CDK17: variants seen among roughly 807,000 people sequenced by gnomAD.
The protein encoded by CDK17 is cyclin dependent kinase 17.
Under a neutral mutation model 77.6 loss-of-function variants are expected in CDK17, and 24 were observed. The ratio of observed to expected loss-of-function variants is 0.31; its 90% CI spans 0.22 to 0.44. CDK17 has a LOEUF of 0.44. CDK17 is among the 20% of genes least tolerant of loss of function. The probability of loss-of-function intolerance (pLI) is 1.00; values close to 1 mark genes in which losing one functional copy is unlikely to be tolerated. For missense variants in CDK17, 429 were observed against 622.5 expected, an observed-to-expected ratio of 0.69 and a Z score of 3.31; for synonymous variants, 203 against 210.4, an observed-to-expected ratio of 0.96 and a Z score of 0.30.
chr12:96,378,237 T>C (rs1273526885), intron 1 of CDK17, among the ~76,000 whole-genome samples: 1 of 152,206 alleles, frequency 6.6e-6, no homozygotes, highest in African/African-American at 2.4e-5. Flanking sequence ...TTTATTTATT[T>C]AGTCAGTCAT....
chr12:96,393,948 T>C (rs1335055877), intron 1 of CDK17, among the ~76,000 whole-genome samples: 2 of 152,028 alleles, frequency 1.3e-5, no homozygotes, highest in Non-Finnish European at 2.9e-5. Flanking sequence ...TGTTACTTGA[T>C]AGTTTCTCAC....
At chr12:96,301,729 G>A (rs1324953072) in intron 5 of CDK17, among the ~76,000 whole-genome samples, 1 of 152,064 alleles carries the variant, frequency 6.6e-6, no homozygotes, top group Non-Finnish European at 1.5e-5. Context: ...TTGTGATTTA[G>A]TCAAACTCTA....
chr12:96,383,477 A>C (rs1791677498), intron 1 of CDK17, among the ~76,000 whole-genome samples: 1 of 152,130 alleles, frequency 6.6e-6, no homozygotes, highest in African/African-American at 2.4e-5. Context: ...CCCTAAGCAG[A>C]AAGAACAAAG....
At chr12:96,355,467 C>G (rs1004404395) in intron 1 of CDK17, among the ~76,000 whole-genome samples, 8 of 140,240 alleles carry the variant, frequency 5.7e-5, no homozygotes, top group Non-Finnish European at 1.1e-4. Flanking sequence ...TGTAATGGCA[C>G]GATCTCAGCT....
At chr12:96,381,751 A>G (rs1953886368) in intron 1 of CDK17, among the ~76,000 whole-genome samples, 1 of 152,060 alleles carries the variant, frequency 6.6e-6, no homozygotes, top group Admixed American at 6.6e-5. Flanking sequence ...GAGATGGATC[A>G]CCAAAACAAC....
intron 1 of CDK17, among the ~76,000 whole-genome samples, chr12:96,389,028 T>TATC (rs1954020739): frequency 7.8e-6 from 1 of 127,442 alleles, no homozygotes; most frequent in East Asian, 2.6e-4. Context: ...CACTTTTTTT[T>TATC]ATTATTATTA....
intron 4 of CDK17, among the ~76,000 whole-genome samples, chr12:96,311,927 G>C (rs1952650095): frequency 6.6e-6 from 1 of 152,060 alleles, no homozygotes; most frequent in Admixed American, 6.6e-5. Flanking sequence ...TGCCTAAAAT[G>C]TATCAATAGA....
chr12:96,383,628 C>A (rs10860029), intron 1 of CDK17, among the ~76,000 whole-genome samples: 1 of 151,872 alleles, frequency 6.6e-6, no homozygotes. Flanking sequence ...CAACCACAAC[C>A]GTCTGATCGT....
intron 1 of CDK17, among the ~76,000 whole-genome samples, chr12:96,384,903 G>C (rs1953947862): frequency 6.6e-6 from 1 of 151,228 alleles, no homozygotes; most frequent in Admixed American, 6.6e-5. Flanking sequence ...CCAGCTACGT[G>C]GAAGGCTGAG....
chr12:96,316,680 C>T lies in CDK17; in HGVS notation c.284-3226G>A, dbSNP rs543015644. Among the ~76,000 whole-genome samples the T allele has an allele frequency of 1.8e-4, 23 of 127,338 alleles. 3 individuals carry two copies. Among genetic ancestry groups the T allele is most frequent in the Admixed American group, 5.1e-4 (6 of 11,668 alleles). 83.5% of individuals were successfully genotyped at this position (127,338 alleles called of 152,430 possible). A position where few individuals can be genotyped will look rare whatever the true frequency, so the allele number is the denominator to read the frequency against. The stretch of plus-strand genomic sequence containing the variant: ...CCCCGAGCAGCCTAACTGTGAGGCA[C>T]CCCCCAGCAGGGGCACACTGACACC... On this transcript the variant is annotated intron_variant, in intron 3 of 16. Coordinates refer to ENST00000261211, the MANE Select transcript of CDK17 (RefSeq NM_002595.5).
At chr12:96,393,354 C>CAAAAAAAAAAAAA (rs10633197) in intron 1 of CDK17, among the ~76,000 whole-genome samples, 1 of 43,346 alleles carries the variant, frequency 2.3e-5, no homozygotes, top group Non-Finnish European at 4.1e-5. Context: ...GGCTCCGCCT[C>CAAAAAAAAAAAAA]AAAAAAAAAA....
At position 96,286,657 on chromosome 12, in the gene CDK17, C is replaced by T. The variant is rs1178985179; in HGVS notation, c.1216+7G>A. The T allele has an allele frequency of 6.2e-7, 1 of 1,604,170 alleles. No individual in the cohort carries two copies. Among genetic ancestry groups the T allele is most frequent in the Admixed American group, 1.7e-5 (1 of 59,944 alleles). On this transcript the variant is annotated splice_region_variant and intron_variant, in intron 12 of 16. Transcript: ENST00000261211. ...CAAAATCACTGGGAAAAGATTTCTT[C>T]TGTTACCTAGCAGTCGGAAAATTAA...
At chr12:96,399,005 G>A (rs1272670192) in intron 1 of CDK17, 1 of 152,246 alleles carries the variant, frequency 6.6e-6, no homozygotes, top group African/African-American at 2.4e-5. Flanking sequence ...GGAAGAGAGA[G>A]AAGTTCAAGG....
chr12:96,280,127 G>T lies in CDK17; in HGVS notation c.*115C>A. The T allele has an allele frequency of 1.0e-6, 1 of 989,764 alleles. No individual in the cohort carries two copies. The highest frequency in any genetic ancestry group is 1.5e-6 in the Non-Finnish European group (1 of 679,124). 61.3% of individuals were successfully genotyped at this position (989,764 alleles called of 1,614,324 possible). A position where few individuals can be genotyped will look rare whatever the true frequency, so the allele number is the denominator to read the frequency against. ...AATAAAAAGACTCCACTGTGAAGAG[G>T]ACAGTGTAGACAAACGGAGATTCCA... On this transcript the variant is annotated 3_prime_UTR_variant, in exon 17 of 17. Transcript: ENST00000261211.
At chr12:96,313,583 T>C in intron 3 of CDK17, 129 bp from the exon 4 acceptor site, 1 of 474,186 alleles carries the variant, frequency 2.1e-6, no homozygotes, top group East Asian at 3.5e-5. Context: ...ACATTCTGGG[T>C]GCCACAGGTA....
At position 96,318,181 on chromosome 12, in the gene CDK17, A is replaced by G. The variant is rs1278175743; in HGVS notation, c.284-4727T>C. ...CTGATAAAACAGACTTTAAACCAAC[A>G]AAGATCAAAAGAGACAAAGAAGGCC... On this transcript the variant is annotated intron_variant, in intron 3 of 16. Transcript: ENST00000261211. 8.6e-5 allele frequency among the ~76,000 whole-genome samples: 13 copies of G among 151,196 alleles called. No individual in the cohort carries two copies. The South Asian group carries it at 2.8e-3, about 32-fold the overall frequency.
intron 1 of CDK17, among the ~76,000 whole-genome samples, chr12:96,337,241 T>C (rs1009691777): frequency 1.1e-4 from 16 of 152,060 alleles, no homozygotes; most frequent in South Asian, 1.0e-3. Context: ...CAACAAACTA[T>C]TGAAAGCTCC....
At chr12:96,349,140 C>T (rs578063966) in intron 1 of CDK17, among the ~76,000 whole-genome samples, 6 of 152,242 alleles carry the variant, frequency 3.9e-5, no homozygotes, top group African/African-American at 9.6e-5. Flanking sequence ...AAGAATGCGA[C>T]GGTGGTTCAA....
chr12:96,350,671 CA>C (rs762969926), intron 1 of CDK17, among the ~76,000 whole-genome samples: 2 of 151,960 alleles, frequency 1.3e-5, no homozygotes, highest in East Asian at 3.9e-4. Context: ...TGTTTTCATG[CA>C]AAAGAGTGAA....
Sources: allele counts gnomAD v4.1 joint callset (sites outside exome capture counted in the v4.1 genomes callset), GRCh38; gene constraint gnomAD v4.1.1; transcripts MANE v1.5; gene names NCBI Gene and HGNC (gene_info 2026-07-23, HGNC 2026-07-21).